The following PDZD2 variants were observed in gnomAD, a reference collection of about 807,000 sequenced individuals.
PDZD2 encodes the protein PDZ domain-containing protein 2.
In PDZD2, 90 loss-of-function variants were observed where a neutral mutation model predicts 220.7. The observed-to-expected ratio is 0.41, with a 90% CI of 0.34 to 0.49. The LOEUF is 0.49. Ranked by LOEUF, PDZD2 falls within the 20% of genes least tolerant of loss-of-function variation. PDZD2 has a pLI of 0.28. For synonymous variants in PDZD2, 1,375 were observed against 1,450.5 expected (o/e 0.95, Z 1.18); for missense variants, 3,174 against 3,608.5 (o/e 0.88, Z 3.08).
intron 2 of PDZD2, among the ~76,000 whole-genome samples, chr5:31,943,406 A>C (rs1746376786): frequency 6.6e-6 from 1 of 152,176 alleles, no homozygotes; most frequent in Non-Finnish European, 1.5e-5. Context: ...AGAACTCAGC[A>C]TCAGTAGTTT....
At chr5:32,079,927 C>T (rs1741747471) in intron 19 of PDZD2, among the ~76,000 whole-genome samples, 1 of 152,146 alleles carries the variant, frequency 6.6e-6, no homozygotes, top group Non-Finnish European at 1.5e-5. Context: ...GCTCTTTGTT[C>T]CTTTGTTAGT....
chr5:31,846,386 C>T (rs570650771), intron 2 of PDZD2, among the ~76,000 whole-genome samples: 5 of 152,262 alleles, frequency 3.3e-5, no homozygotes, highest in South Asian at 2.1e-4. Context: ...CTGCCCACCT[C>T]GGCCTCCCAA....
chr5:31,948,737 A>C (rs955647536), intron 2 of PDZD2, among the ~76,000 whole-genome samples: 1 of 152,154 alleles, frequency 6.6e-6, no homozygotes, highest in Admixed American at 6.5e-5. Context: ...CTCTGAGGTC[A>C]TGTGATTCTG....
chr5:32,054,461 C>G (rs993220517), intron 10 of PDZD2, among the ~76,000 whole-genome samples: 2 of 151,432 alleles, frequency 1.3e-5, no homozygotes, highest in Non-Finnish European at 2.9e-5. Context: ...GTAGCTGGGA[C>G]TATAGGTGCA....
intron 1 of PDZD2, among the ~76,000 whole-genome samples, chr5:31,655,233 C>T (rs567638809): frequency 9.2e-5 from 14 of 152,172 alleles, no homozygotes; most frequent in South Asian, 4.2e-4. Flanking sequence ...AGTGCAGTGG[C>T]GCAATCTCAG....
intron 24 of PDZD2, among the ~76,000 whole-genome samples, chr5:32,107,685 T>C (rs1744918944): frequency 6.6e-6 from 1 of 152,262 alleles, no homozygotes; most frequent in Non-Finnish European, 1.5e-5. Context: ...GTCTGGATGT[T>C]AACCATTTGT....
At chr5:31,804,965 G>A (rs1253350447) in intron 2 of PDZD2, among the ~76,000 whole-genome samples, 4 of 152,156 alleles carry the variant, frequency 2.6e-5, no homozygotes, top group African/African-American at 2.4e-5. Context: ...AGGCCGAGGC[G>A]GGTTGGTCAG....
intron 2 of PDZD2, among the ~76,000 whole-genome samples, chr5:31,803,443 G>T (rs1754524871): frequency 6.6e-6 from 1 of 151,924 alleles, no homozygotes; most frequent in African/African-American, 2.4e-5. Context: ...GGAAGGAACA[G>T]AGGAGGCAGG....
chr5:31,778,189 A>G lies in PDZD2; in HGVS notation c.-360-20700A>G, dbSNP rs1752824016. On this transcript the variant is annotated intron_variant, in intron 1 of 24. Coordinates refer to ENST00000438447, the MANE Select transcript of PDZD2 (RefSeq NM_178140.4). Reference sequence around the variant, plus strand: ...ACTCTGTGTCTAGCTCAGGGATTGTAAACACACCAGTGAGCACCCTGTCAA... The same window carrying G: ...ACTCTGTGTCTAGCTCAGGGATTGTGAACACACCAGTGAGCACCCTGTCAA... Among the ~76,000 whole-genome samples the G allele has an allele frequency of 2.0e-5, 3 of 152,312 alleles. 1 individual carries two copies. The South Asian group carries it at 6.2e-4, about 32-fold the overall frequency.
At chr5:32,068,246 T>C (rs905519032) in intron 14 of PDZD2, among the ~76,000 whole-genome samples, 10 of 152,142 alleles carry the variant, frequency 6.6e-5, no homozygotes, top group South Asian at 2.1e-4. Flanking sequence ...ATCAGTGCCA[T>C]GAAAGACCAA....
intron 6 of PDZD2, among the ~76,000 whole-genome samples, chr5:32,027,005 CAAT>C (rs1754720742): frequency 1.3e-5 from 2 of 152,160 alleles, no homozygotes; most frequent in African/African-American, 4.8e-5. Flanking sequence ...CGGGCTCAAG[CAAT>C]TCTCCTGCCT....
Position 31,803,038 on chromosome 5 carries a change from T to C in PDZD2, c.476+3314T>C, listed in dbSNP as rs573975541. Among the ~76,000 whole-genome samples, 13 of 148,286 alleles carry C rather than the reference T, an allele frequency of 8.8e-5. No homozygotes were observed. The South Asian group carries it at 2.8e-3, about 32-fold the overall frequency. On this transcript the variant is annotated intron_variant, in intron 2 of 24. Coordinates refer to ENST00000438447, the MANE Select transcript of PDZD2 (RefSeq NM_178140.4). Reference sequence around the variant, plus strand: ...AGGGCTACACAGGGAAGTGCAGGGGTCAGTGAGGAGGCAGAGAAGAGAGAG... The same window carrying C: ...AGGGCTACACAGGGAAGTGCAGGGGCCAGTGAGGAGGCAGAGAAGAGAGAG...
chr5:31,913,791 C>T (rs1033837504), intron 2 of PDZD2, among the ~76,000 whole-genome samples: 3 of 152,140 alleles, frequency 2.0e-5, no homozygotes, highest in East Asian at 3.8e-4. Context: ...GAAGTAGAGT[C>T]GTGAAGGATT....
chr5:32,087,499 A>C lies in PDZD2; in HGVS notation c.4051A>C (p.Arg1351=). The part of the protein sequence containing the change: ...PGDPLTSQEQ[R]QGAPGNHSKA... Reference sequence around the variant, plus strand: ...AGACCCCCTCACATCCCAGGAGCAGAGACAGGGAGCTCCAGGTAACCACAG... The same window carrying C: ...AGACCCCCTCACATCCCAGGAGCAGCGACAGGGAGCTCCAGGTAACCACAG... Residue 1351 remains arginine, a synonymous_variant, in exon 20 of 25, where the codon AGA becomes CGA. Transcript: ENST00000438447. The surrounding 1 kb of genome is among the most constrained non-coding windows in gnomAD (Gnocchi z 4.0). 2 of 1,613,306 alleles carry C rather than the reference A, an allele frequency of 1.2e-6. No homozygotes were observed. The highest frequency in any genetic ancestry group is 1.7e-6 in the Non-Finnish European group (2 of 1,179,554).
At chr5:31,653,787 T>TTTTG (rs79692300) in intron 1 of PDZD2, among the ~76,000 whole-genome samples, 24,096 of 151,686 alleles carry the variant, frequency 0.16, 2,107 homozygotes, top group East Asian at 0.31. Flanking sequence ...AGTATATGTT[T>TTTTG]TTTGTTTGTT....
intron 1 of PDZD2, among the ~76,000 whole-genome samples, chr5:31,769,809 A>G (rs1430254528): frequency 1.3e-5 from 2 of 152,196 alleles, no homozygotes; most frequent in African/African-American, 2.4e-5. Flanking sequence ...TAGCTCATCA[A>G]CACCATCTTG....
chr5:32,102,026 C>T (rs576055640), intron 24 of PDZD2, among the ~76,000 whole-genome samples: 3 of 152,048 alleles, frequency 2.0e-5, no homozygotes, highest in Non-Finnish European at 4.4e-5. Flanking sequence ...CTTTAAATGA[C>T]CATCTAGTTA....
At chr5:31,922,360 C>T (rs373589056) in intron 2 of PDZD2, among the ~76,000 whole-genome samples, 10 of 152,316 alleles carry the variant, frequency 6.6e-5, no homozygotes, top group African/African-American at 1.9e-4. Flanking sequence ...CCACAGGCTA[C>T]GCTCTTAATC....
chr5:31,817,622 A>T lies in PDZD2; in HGVS notation c.476+17898A>T, dbSNP rs7734941. 3.9e-3 allele frequency among the ~76,000 whole-genome samples: 587 copies of T among 152,294 alleles called. 3 individuals are homozygous for T. Among genetic ancestry groups the T allele is most frequent in the African/African-American group, 0.012 (502 of 41,560 alleles). ...TATATTTAACTACATAGCTTTTAAAATATTAAGCACTTCAGGTTAAATATA... is the reference window on the plus strand; with the variant it reads ...TATATTTAACTACATAGCTTTTAAATTATTAAGCACTTCAGGTTAAATATA... On this transcript the variant is annotated intron_variant, in intron 2 of 24. Transcript: ENST00000438447.
Sources: allele counts gnomAD v4.1 joint callset (sites outside exome capture counted in the v4.1 genomes callset), GRCh38; gene constraint gnomAD v4.1.1; non-coding constraint Gnocchi (gnomAD v3.1); transcripts MANE v1.5; gene names NCBI Gene and HGNC (gene_info 2026-07-23, HGNC 2026-07-21).